SUCLG2: variants seen among roughly 807,000 people sequenced by gnomAD.
The protein encoded by SUCLG2 is succinate--CoA ligase [GDP-forming] subunit beta, mitochondrial.
Under a neutral mutation model 47.9 loss-of-function variants are expected in SUCLG2, and 42 were observed. The ratio of observed to expected loss-of-function variants is 0.88; its 90% CI spans 0.69 to 1.14. The LOEUF is 1.14. Among genes scored for constraint, SUCLG2 ranks in the 50% most tolerant of loss-of-function variants. The pLI is 0.00. For synonymous variants in SUCLG2, 195 were observed against 197.3 expected (o/e 0.99, Z 0.10); for missense variants, 571 against 525.9 (o/e 1.09, Z -0.84).
intron 10 of SUCLG2, among the ~76,000 whole-genome samples, chr3:67,386,337 C>G (rs1326664690): frequency 6.6e-6 from 1 of 151,460 alleles, no homozygotes; most frequent in Non-Finnish European, 1.5e-5. Context: ...ACCTCATTAT[C>G]CACCTGAATA....
intron 1 of SUCLG2, among the ~76,000 whole-genome samples, chr3:67,646,555 A>G (rs1208911321): frequency 3.3e-5 from 5 of 152,118 alleles, no homozygotes; most frequent in Non-Finnish European, 5.9e-5. Context: ...AGATCTCACC[A>G]CTGCACTCAA....
At chr3:67,431,726 C>T (rs181729606) in intron 9 of SUCLG2, among the ~76,000 whole-genome samples, 22 of 112,636 alleles carry the variant, frequency 2.0e-4, no homozygotes, top group Admixed American at 1.1e-4. Context: ...CATCACACAC[C>T]GGGGCATGTC....
At chr3:67,372,615 TG>T (rs1275477858), downstream of SUCLG2, among the ~76,000 whole-genome samples, 2 of 152,144 alleles carry the variant, frequency 1.3e-5, no homozygotes, top group Non-Finnish European at 2.9e-5. Flanking sequence ...CTTGTGGTGA[TG>T]GAAAGACAAA....
chr3:67,360,593 A>T, exon 11 of SUCLG2: 5 of 1,455,688 alleles, frequency 3.4e-6, no homozygotes, highest in Non-Finnish European at 3.6e-6. Flanking sequence ...TAATTTGGAA[A>T]AGTAATCTCA....
chr3:67,364,841 C>G (rs1187628333), intron 10 of SUCLG2, among the ~76,000 whole-genome samples: 1 of 152,074 alleles, frequency 6.6e-6, no homozygotes, highest in African/African-American at 2.4e-5. Context: ...ACGGAGATGA[C>G]AGGAATGGCA....
chr3:67,500,566 A>C (rs189591541), intron 7 of SUCLG2, among the ~76,000 whole-genome samples: 129 of 152,340 alleles, frequency 8.5e-4, no homozygotes, highest in Middle Eastern at 6.8e-3. Context: ...TACAATTACC[A>C]AACGAATTGG....
chr3:67,395,128 A>C (rs1172346271), intron 10 of SUCLG2, among the ~76,000 whole-genome samples: 5 of 152,124 alleles, frequency 3.3e-5, no homozygotes, highest in East Asian at 1.9e-4. Context: ...CGAGCAAAAT[A>C]ACCAGCTAAC....
chr3:67,433,608 G>A (rs748281364), intron 9 of SUCLG2, among the ~76,000 whole-genome samples: 10 of 152,058 alleles, frequency 6.6e-5, no homozygotes, highest in African/African-American at 2.2e-4. Context: ...TGCGAAATGA[G>A]GTATAAACTG....
At chr3:67,525,069 G>A (rs1016078222) in intron 4 of SUCLG2, among the ~76,000 whole-genome samples, 1 of 152,148 alleles carries the variant, frequency 6.6e-6, no homozygotes, top group Non-Finnish European at 1.5e-5. Flanking sequence ...GTGTAAGACT[G>A]ACAAAACATA....
At chr3:67,484,429 C>G (rs1410814437) in intron 9 of SUCLG2, among the ~76,000 whole-genome samples, 18 of 152,182 alleles carry the variant, frequency 1.2e-4, no homozygotes, top group Admixed American at 1.2e-3. Context: ...AATAGGCTGA[C>G]AATATGAGTT....
intron 1 of SUCLG2, among the ~76,000 whole-genome samples, chr3:67,640,401 C>T (rs754179209): frequency 2.6e-4 from 40 of 152,338 alleles, no homozygotes; most frequent in Admixed American, 5.2e-4. Context: ...TAAAGCCATG[C>T]TGTTGATCAG....
intron 9 of SUCLG2, among the ~76,000 whole-genome samples, chr3:67,453,149 A>T (rs1704097660): frequency 6.6e-6 from 1 of 152,172 alleles, no homozygotes; most frequent in East Asian, 1.9e-4. Flanking sequence ...AAATATTATG[A>T]TTTTTGAGTT....
chr3:67,387,807 T>A (rs999584536), intron 10 of SUCLG2, among the ~76,000 whole-genome samples: 3 of 152,208 alleles, frequency 2.0e-5, no homozygotes, highest in African/African-American at 7.2e-5. Context: ...GATTTGAATC[T>A]TTTAACTAAA....
rs1390238496 is a variant in SUCLG2 at position 67,649,599 on chromosome 3, G to A, written c.84+4904C>T. On this transcript the variant is annotated intron_variant, in intron 1 of 10. Coordinates refer to ENST00000307227, the MANE Select transcript of SUCLG2 (RefSeq NM_003848.4). ...TGCTCACTACAACTACTCTCCCCCT[G>A]TTCTCTCACCTCTGCCTCTGCATGA... 3.4e-5 allele frequency among the ~76,000 whole-genome samples: 5 copies of A among 148,902 alleles called. No individual in the cohort carries two copies. In the South Asian group the frequency reaches 8.3e-4, roughly 25 times the overall value.
intron 9 of SUCLG2, among the ~76,000 whole-genome samples, chr3:67,429,255 A>C (rs900997303): frequency 2.0e-5 from 3 of 152,250 alleles, no homozygotes; most frequent in African/African-American, 7.2e-5. Context: ...CTGATCTCTC[A>C]GCAGAAACTC....
chr3:67,517,817 C>G (rs1052595007), intron 6 of SUCLG2, among the ~76,000 whole-genome samples: 1 of 152,042 alleles, frequency 6.6e-6, no homozygotes, highest in African/African-American at 2.4e-5. Flanking sequence ...CTTTATGGAG[C>G]AGTACAATAA....
chr3:67,522,751 C>T (rs1706143843), intron 4 of SUCLG2, among the ~76,000 whole-genome samples: 2 of 150,690 alleles, frequency 1.3e-5, no homozygotes, highest in South Asian at 4.2e-4. Context: ...GCAAGCTCTG[C>T]CTACCAGATT....
chr3:67,528,023 A>G (rs993923509), intron 4 of SUCLG2, 109 bp downstream of exon 4: 21 of 920,340 alleles, frequency 2.3e-5, no homozygotes, highest in Non-Finnish European at 3.0e-5. Context: ...ATAAAATGGC[A>G]CACTGCCAAA....
chr3:67,654,471 C>G, intron 1 of SUCLG2, 32 bp downstream of exon 1: 1 of 1,229,312 alleles, frequency 8.1e-7, no homozygotes, highest in Non-Finnish European at 1.0e-6. Flanking sequence ...GGCGCCGCTG[C>G]TGGCGCCCGC....
Sources: allele counts gnomAD v4.1 joint callset (sites outside exome capture counted in the v4.1 genomes callset), GRCh38; gene constraint gnomAD v4.1.1; transcripts MANE v1.5; gene names NCBI Gene and HGNC (gene_info 2026-07-23, HGNC 2026-07-21).